MED16: variants seen among roughly 807,000 people sequenced by gnomAD.
The protein encoded by MED16 is mediator of RNA polymerase II transcription subunit 16.
A neutral mutation model predicts 84.4 loss-of-function variants in MED16; 81 were observed. The observed-to-expected ratio is 0.96, with a 90% CI of 0.80 to 1.15. MED16 has a LOEUF of 1.15. MED16 is among the 50% of genes most tolerant of loss of function. The pLI, the probability that MED16 is intolerant of heterozygous loss-of-function variation, is 0.00. For synonymous variants in MED16, 897 were observed against 552.2 expected (o/e 1.62, Z -8.76); for missense variants, 1,585 against 1,245.9 (o/e 1.27, Z -4.10).
chr19:881,495 C>G, intron 7 of MED16, 64 bp downstream of exon 7: 2 of 1,549,434 alleles, frequency 1.3e-6, no homozygotes, highest in African/African-American at 2.7e-5. Flanking sequence ...GTGGCCTGTG[C>G]TCAGGGCCCA....
chr19:874,638 TAG>T (rs2036185835), intron 10 of MED16, among the ~76,000 whole-genome samples: 1 of 151,332 alleles, frequency 6.6e-6, no homozygotes, highest in Non-Finnish European at 1.5e-5. Context: ...CCCCCAGGAG[TAG>T]AGAGAGGTGA....
rs114359895 is a variant in MED16 at position 868,503 on chromosome 19, C to T, written c.2400-4G>A. 5,522 of 1,609,508 alleles carry T rather than the reference C, an allele frequency of 3.4e-3. 149 individuals are homozygous for T. The African/African-American group carries it at 0.059, about 17-fold the overall frequency. ...GAGCATGGTGACACAGCCGCACCTG[C>T]GGGGAGGCAGGCACTGAGCGGGTTC... On this transcript the variant is annotated splice_polypyrimidine_tract_variant and splice_region_variant and intron_variant, in intron 14 of 15. Coordinates refer to ENST00000325464, the MANE Select transcript of MED16 (RefSeq NM_005481.3).
chr19:877,267 C>T (rs1254051799), intron 8 of MED16, 87 bp from the exon 9 acceptor site: 36 of 1,332,528 alleles, frequency 2.7e-5, no homozygotes, highest in Non-Finnish European at 3.7e-5. Context: ...GGCTGCGGCA[C>T]GTGTGTGGAT....
rs34859566 is a variant in MED16, at chr19:871,044, G to A, written c.2308C>T (p.Leu770Phe). Residue 770 changes from leucine (L) to phenylalanine (F), a missense_variant, in exon 13 of 16, where the codon CTC becomes TTC. Transcript: ENST00000325464. ...ATGCAGGGACACACGCACCTGGCGA[G>A]GCCGTCGAGCTGCAGGGTGGCAGCA... ...GSAATLQLDGLARAPGQPKID... is the reference protein window; with the variant it reads ...GSAATLQLDGFARAPGQPKID... 2.4e-4 allele frequency: 377 copies of A among 1,542,624 alleles called. No individual in the cohort carries two copies. In the African/African-American group the frequency reaches 4.5e-3, roughly 18 times the overall value.
At chr19:887,013 T>C (rs73492587) in intron 4 of MED16, among the ~76,000 whole-genome samples, 2,749 of 146,534 alleles carry the variant, frequency 0.019, 70 homozygotes, top group African/African-American at 0.065. Flanking sequence ...CAGGAGGTGG[T>C]GATTGCAGTG....
At chr19:886,803 C>T (rs967833643) in intron 4 of MED16, among the ~76,000 whole-genome samples, 6 of 152,228 alleles carry the variant, frequency 3.9e-5, no homozygotes, top group South Asian at 4.1e-4. Flanking sequence ...TGGCTGCGCA[C>T]GGTGGCTCTC....
At chr19:880,359 G>A (rs1425875757) in intron 7 of MED16, among the ~76,000 whole-genome samples, 1 of 152,334 alleles carries the variant, frequency 6.6e-6, no homozygotes, top group East Asian at 1.9e-4. Context: ...CAGCAGCCTT[G>A]GCCACACTGC....
intron 4 of MED16, among the ~76,000 whole-genome samples, chr19:888,586 G>A (rs2036570072): frequency 6.6e-6 from 1 of 151,552 alleles, no homozygotes; most frequent in Non-Finnish European, 1.5e-5. Flanking sequence ...CGCACAACAT[G>A]GCGAGTGTAT....
chr19:868,274 C>T (rs968976083), intron 15 of MED16, 23 bp from the exon 16 acceptor site: 7 of 1,589,496 alleles, frequency 4.4e-6, no homozygotes, highest in Non-Finnish European at 6.0e-6. Flanking sequence ...CTGAGGTTAA[C>T]CGCGCCGAGG....
chr19:880,227 G>A, intron 7 of MED16, 79 bp from the exon 8 acceptor site: 1 of 1,356,152 alleles, frequency 7.4e-7, no homozygotes, highest in South Asian at 1.4e-5. Flanking sequence ...TGCTCTGCAG[G>A]GTGTGGAGAG....
chr19:889,106 T>C (rs1325284595), intron 4 of MED16, among the ~76,000 whole-genome samples: 1 of 97,072 alleles, frequency 1.0e-5, no homozygotes, highest in Non-Finnish European at 1.9e-5. Flanking sequence ...TGGCCACGCC[T>C]ACTTCTTAAC....
At chr19:887,122 T>A (rs1305909379) in intron 4 of MED16, among the ~76,000 whole-genome samples, 1 of 150,602 alleles carries the variant, frequency 6.6e-6, no homozygotes, top group Admixed American at 6.6e-5. Context: ...CTCTACGTTG[T>A]GAAAAAATGC....
intron 7 of MED16, 93 bp downstream of exon 7, chr19:881,466 T>C: frequency 7.0e-7 from 1 of 1,426,364 alleles, no homozygotes; most frequent in Non-Finnish European, 9.4e-7. Flanking sequence ...CGTCCTCTGG[T>C]GTGAGCTCCC....
Position 868,334 on chromosome 19 carries a change from C to G in MED16, c.2483+82G>C, listed in dbSNP as rs2035964974. The stretch of plus-strand genomic sequence containing the variant: ...TTGCAGCAGCCGGGCTCAGGGGCAG[C>G]TGAGGGGTAGCTGAGGAGTAGCTGA... On this transcript the variant is annotated intron_variant, in intron 15 of 15. Coordinates refer to ENST00000325464, the MANE Select transcript of MED16 (RefSeq NM_005481.3). 6 of 1,591,276 alleles carry G rather than the reference C, an allele frequency of 3.8e-6. 1 individual carries two copies. In the Admixed American group the frequency reaches 7.0e-5, roughly 19 times the overall value.
chr19:891,468 C>A (rs561414792), intron 1 of MED16, among the ~76,000 whole-genome samples: 1 of 152,300 alleles, frequency 6.6e-6, no homozygotes, highest in Non-Finnish European at 1.5e-5. Flanking sequence ...GGAGACGCAG[C>A]GGAGGGTCTG....
At chr19:887,164 G>A (rs989188580) in intron 4 of MED16, among the ~76,000 whole-genome samples, 5 of 151,768 alleles carry the variant, frequency 3.3e-5, no homozygotes, top group Admixed American at 2.0e-4. Context: ...CGTATCGTAC[G>A]GCTCCATTCT....
intron 9 of MED16, among the ~76,000 whole-genome samples, chr19:875,896 CTGGAGGCTGGGAGT>C (rs1038765365): frequency 2.0e-5 from 3 of 152,252 alleles, no homozygotes; most frequent in Middle Eastern, 3.4e-3. Flanking sequence ...TGGAGGATTC[CTGGAGGCTGGGAGT>C]TGGAGAGCCT....
At position 872,384 on chromosome 19, in the gene MED16, G is replaced by A. The variant is rs530313545; in HGVS notation, c.1906-266C>T. ...AGACTAAGACGAGGCTCTGGCTGAG[G>A]CCAATATCCCCACCTGCACGTGGAG... On this transcript the variant is annotated intron_variant, in intron 11 of 15. Coordinates refer to ENST00000325464, the MANE Select transcript of MED16 (RefSeq NM_005481.3). Among the ~76,000 whole-genome samples, 17 of 152,180 alleles carry A rather than the reference G, an allele frequency of 1.1e-4. No individual in the cohort carries two copies. The East Asian group carries it at 2.1e-3, about 19-fold the overall frequency.
At chr19:869,730 T>C (rs911161134) in intron 13 of MED16, among the ~76,000 whole-genome samples, 2 of 152,170 alleles carry the variant, frequency 1.3e-5, no homozygotes, top group African/African-American at 4.8e-5. Context: ...TGCTGGAGGT[T>C]CACTTCATTT....
Sources: allele counts gnomAD v4.1 joint callset (sites outside exome capture counted in the v4.1 genomes callset), GRCh38; gene constraint gnomAD v4.1.1; transcripts MANE v1.5; gene names NCBI Gene and HGNC (gene_info 2026-07-23, HGNC 2026-07-21).